The following TRAF5 variants were observed in gnomAD, a reference collection of about 807,000 sequenced individuals.
TRAF5 encodes the protein TNF receptor-associated factor 5.
A neutral mutation model predicts 64.5 loss-of-function variants in TRAF5; 48 were observed. The ratio of observed to expected loss-of-function variants is 0.74; its 90% CI spans 0.59 to 0.95. The LOEUF (loss-of-function observed/expected upper bound fraction) is 0.95. Among genes scored for constraint, TRAF5 ranks in the 40% least tolerant of loss-of-function variants. The pLI, the probability that TRAF5 is intolerant of heterozygous loss-of-function variation, is 0.00. For missense variants in TRAF5, 545 were observed against 662.8 expected (o/e 0.82, Z 1.95); for synonymous variants, 206 against 240.5 (o/e 0.86, Z 1.33).
chr1:211,344,376 G>A (rs1035909492), intron 1 of TRAF5, among the ~76,000 whole-genome samples: 1 of 152,158 alleles, frequency 6.6e-6, no homozygotes, highest in Non-Finnish European at 1.5e-5. Context: ...TTCCTTCTGT[G>A]AAGACATAAG....
At chr1:211,347,815 G>C (rs1356123496) in intron 1 of TRAF5, among the ~76,000 whole-genome samples, 2 of 152,228 alleles carry the variant, frequency 1.3e-5, no homozygotes, top group African/African-American at 4.8e-5. Context: ...TCACTTAATG[G>C]ACTCTTACTT....
At chr1:211,358,024 C>T (rs891811264) in intron 4 of TRAF5, 1 of 152,134 alleles carries the variant, frequency 6.6e-6, no homozygotes, top group African/African-American at 2.4e-5. Flanking sequence ...ATTATAAAAA[C>T]AAGTAGCAGG....
At chr1:211,356,773 A>G (rs1702983101) in intron 4 of TRAF5, 1 of 220,530 alleles carries the variant, frequency 4.5e-6, no homozygotes, top group Non-Finnish European at 9.0e-6. Context: ...CAAAACAAAC[A>G]CTCAAGAATA....
At chr1:211,356,564 C>T (rs1407702562) in intron 4 of TRAF5, 96 bp downstream of exon 4, 2 of 1,089,192 alleles carry the variant, frequency 1.8e-6, no homozygotes, top group Admixed American at 3.9e-5. Flanking sequence ...AAGCATGGTA[C>T]AGGGATTCAG....
chr1:211,342,807 T>A (rs142711520), intron 1 of TRAF5, among the ~76,000 whole-genome samples: 107 of 152,354 alleles, frequency 7.0e-4, no homozygotes, highest in East Asian at 2.3e-3. Context: ...TCTAGTTCCA[T>A]CTATGTTGTT....
At chr1:211,360,814 G>A (rs775857116) in intron 6 of TRAF5, 35 bp downstream of exon 6, 10 of 1,572,798 alleles carry the variant, frequency 6.4e-6, no homozygotes, top group Non-Finnish European at 7.9e-6. Context: ...AGATTTTATG[G>A]AAGATAACGT....
Position 211,360,017 on chromosome 1 carries a change from C to G in TRAF5, c.484C>G (p.Gln162Glu), listed in dbSNP as rs1703123966. 1 of 1,613,986 alleles carries G rather than the reference C, an allele frequency of 6.2e-7. No homozygotes were observed. The highest frequency in any genetic ancestry group is 8.5e-7 in the Non-Finnish European group (1 of 1,179,998). Residue 162 changes from glutamine to glutamate, a missense_variant, in exon 5 of 11, where the codon CAG (glutamine) becomes GAG (glutamate). Coordinates refer to ENST00000261464, the MANE Select transcript of TRAF5 (RefSeq NM_001033910.3). ...GAAAGAGCATTTGAGTGCATCCTGT[C>G]AGTTTCGAAAGGAAAAATGCCTTTA... is the stretch of plus-strand genomic sequence containing the variant. ...DLKEHLSASC[Q>E]FRKEKCLYCK...
rs138112112 is a variant in TRAF5 at position 211,341,704 on chromosome 1, A to G, written c.-1-11535A>G. On this transcript the variant is annotated intron_variant, in intron 1 of 10. Coordinates refer to ENST00000261464, the MANE Select transcript of TRAF5 (RefSeq NM_001033910.3). ...AGGTTGATGGGGCATTGCCGGGCTG[A>G]GGATGGAGAATGGGCCAGAGCTCCA... Among the ~76,000 whole-genome samples the G allele has an allele frequency of 9.2e-5, 14 of 152,310 alleles. 1 individual carries two copies. In the South Asian group the frequency reaches 1.0e-3, roughly 11 times the overall value.
chr1:211,372,652 ACT>A lies in TRAF5; in HGVS notation c.1627_1628del (p.Leu543ValfsTer10). 1 of 1,613,978 alleles carries A rather than the reference ACT, an allele frequency of 6.2e-7. No homozygotes were observed. The highest frequency in any genetic ancestry group is 1.3e-5 in the African/African-American group (1 of 74,964). Reference sequence around the variant, plus strand: ...CAAGAACGCCTACATTAAAGATGACACTCTGTTCTTGAAAGTGGCCGTGGACT... The same window carrying A: ...CAAGAACGCCTACATTAAAGATGACACTGTTCTTGAAAGTGGCCGTGGACT... ...NAKNAYIKDD[T>X]LFLKVAVDLT... is the part of the protein sequence containing the mutation. On this transcript the variant is annotated frameshift_variant, in exon 11 of 11. Coordinates refer to ENST00000261464, the MANE Select transcript of TRAF5 (RefSeq NM_001033910.3). LOFTEE classifies it high-confidence loss of function.
intron 1 of TRAF5, among the ~76,000 whole-genome samples, chr1:211,348,788 T>C (rs1702693276): frequency 6.6e-6 from 1 of 152,120 alleles, no homozygotes; most frequent in South Asian, 2.1e-4. Flanking sequence ...TTGACTATAT[T>C]TATGTGGATC....
rs75859418 is a variant in TRAF5, at chr1:211,353,070, C to T, written c.-1-169C>T. Among the ~76,000 whole-genome samples the T allele has an allele frequency of 6.5e-3, 997 of 152,254 alleles. 5 individuals carry two copies. Among genetic ancestry groups the T allele is most frequent in the Non-Finnish European group, 0.01 (703 of 68,024 alleles). On this transcript the variant is annotated intron_variant, in intron 1 of 10. Transcript: ENST00000261464. ...CACCCCAAAGACATTGCACCTTTGC[C>T]GGAGCCCCCTAGTGGCAGGAGGTTG...
At chr1:211,360,951 C>A in intron 6 of TRAF5, 137 bp from the exon 7 acceptor site, 1 of 1,014,878 alleles carries the variant, frequency 9.9e-7, no homozygotes, top group Non-Finnish European at 1.5e-6. Flanking sequence ...CTTCAACTTT[C>A]ATCATAGCTC....
chr1:211,332,509 AGGTCCCTCTTCTG>A, intron 1 of TRAF5, among the ~76,000 whole-genome samples: 1 of 152,310 alleles, frequency 6.6e-6, no homozygotes, highest in East Asian at 1.9e-4. Flanking sequence ...GCAGCCATGA[AGGTCCCTCTTCTG>A]TCTTCATGAT....
intron 8 of TRAF5, among the ~76,000 whole-genome samples, chr1:211,368,763 G>A (rs146689585): frequency 5.3e-5 from 8 of 152,236 alleles, no homozygotes; most frequent in East Asian, 1.9e-4. Context: ...TGCTACCCAC[G>A]CATTTTGCCT....
Position 211,327,318 on chromosome 1 carries a change from C to T in TRAF5, c.-2+429C>T, listed in dbSNP as rs571318824. On this transcript the variant is annotated intron_variant, in intron 1 of 10. Coordinates refer to ENST00000261464, the MANE Select transcript of TRAF5 (RefSeq NM_001033910.3). The stretch of plus-strand genomic sequence containing the variant: ...CGCACTGCAAACCAGGCCCTGGCCC[C>T]CTTCCGCACCCGAAGGCACCCTCTC... 1.2e-3 allele frequency among the ~76,000 whole-genome samples: 189 copies of T among 152,316 alleles called. 1 individual carries two copies. The highest frequency in any genetic ancestry group is 4.4e-3 in the African/African-American group (181 of 41,578).
chr1:211,353,144 A>G (rs1702846872), intron 1 of TRAF5, 95 bp from the exon 2 acceptor site: 2 of 1,194,720 alleles, frequency 1.7e-6, no homozygotes, highest in Non-Finnish European at 1.2e-6. Context: ...AATGATGTAC[A>G]CTAATTATGA....
At chr1:211,367,421 T>A (rs1311478126) in intron 8 of TRAF5, among the ~76,000 whole-genome samples, 2 of 152,174 alleles carry the variant, frequency 1.3e-5, no homozygotes, top group African/African-American at 2.4e-5. Context: ...TAAATGGGGT[T>A]GTGGTGATGG....
chr1:211,358,747 C>T (rs1703068367), intron 4 of TRAF5: 2 of 148,388 alleles, frequency 1.3e-5, no homozygotes, highest in South Asian at 2.1e-4. Flanking sequence ...GTGAAGAACC[C>T]TGGAATGAAC....
intron 1 of TRAF5, among the ~76,000 whole-genome samples, chr1:211,344,222 C>T (rs1702525642): frequency 1.3e-5 from 2 of 152,130 alleles, no homozygotes; most frequent in South Asian, 4.1e-4. Context: ...CTTTGCACTC[C>T]CATCTACTCA....
Sources: gnomAD v4.1 joint callset for allele counts (sites outside exome capture counted in the v4.1 genomes callset) on GRCh38, gnomAD v4.1.1 for gene constraint, MANE v1.5 for transcripts, NCBI Gene and HGNC (gene_info 2026-07-23, HGNC 2026-07-21) for gene names.